Variants in PCDHA6 observed in about 807,000 individuals in gnomAD.
PCDHA6 encodes the protein protocadherin alpha 6, also known as protocadherin alpha-6.
Under a neutral mutation model 60.3 loss-of-function variants are expected in PCDHA6, and 55 were observed. The observed-to-expected ratio is 0.91, with a 90% CI of 0.73 to 1.14. The LOEUF (loss-of-function observed/expected upper bound fraction) is 1.14, where lower values mean the gene tolerates loss of function less well. PCDHA6 is among the 50% of genes most tolerant of loss of function. The pLI is 0.00. For synonymous variants in PCDHA6, 652 were observed against 557.9 expected, an observed-to-expected ratio of 1.17 and a Z score of -2.38; for missense variants, 1,327 against 1,256.5, an observed-to-expected ratio of 1.06 and a Z score of -0.85.
At position 141,009,757 on chromosome 5, in the gene PCDHA6, A is replaced by G; in HGVS notation, c.2673A>G (p.Pro891=). 6.2e-7 allele frequency: 1 copy of G among 1,614,200 alleles called. No individual in the cohort carries two copies. Among genetic ancestry groups the G allele is most frequent in the Non-Finnish European group, 8.5e-7 (1 of 1,180,036 alleles). Residue 891 remains proline (P), a synonymous_variant, in exon 4 of 4, where the codon CCA becomes CCG. Coordinates refer to ENST00000529310, the MANE Select transcript of PCDHA6 (RefSeq NM_018909.4). ...AGTTGCCCGACAAATTCATTATCCCAGGATCTCCTGCAATCATCTCCATCC... is the reference window on the plus strand; with the variant it reads ...AGTTGCCCGACAAATTCATTATCCCGGGATCTCCTGCAATCATCTCCATCC... ...PGELPDKFII[P]GSPAIISIRQ... is the part of the protein sequence containing the mutation.
intron 1 of PCDHA6, among the ~76,000 whole-genome samples, chr5:140,942,747 A>C (rs1291200302): frequency 6.6e-6 from 1 of 152,232 alleles, no homozygotes; most frequent in African/African-American, 2.4e-5. Flanking sequence ...AAAATCTTGT[A>C]TAAATGAGAT....
At chr5:140,985,086 T>C (rs564487119) in intron 3 of PCDHA6, among the ~76,000 whole-genome samples, 1 of 152,000 alleles carries the variant, frequency 6.6e-6, no homozygotes, top group Non-Finnish European at 1.5e-5. Context: ...TACAGGCGTG[T>C]GCCACCAAGC....
At chr5:140,966,914 G>C in intron 1 of PCDHA6, 2 of 1,602,270 alleles carry the variant, frequency 1.2e-6, no homozygotes, top group Non-Finnish European at 1.7e-6. Flanking sequence ...CTCTGTGCCA[G>C]AGGAGCAGGC....
At chr5:140,924,223 T>A (rs2081726593) in intron 1 of PCDHA6, among the ~76,000 whole-genome samples, 1 of 152,230 alleles carries the variant, frequency 6.6e-6, no homozygotes, top group South Asian at 2.1e-4. Context: ...ATAAGTTCAA[T>A]TTTTATGGGC....
intron 1 of PCDHA6, among the ~76,000 whole-genome samples, chr5:140,874,484 G>A (rs1438670057): frequency 6.6e-6 from 1 of 152,190 alleles, no homozygotes; most frequent in African/African-American, 2.4e-5. Context: ...AAAGCAAAAG[G>A]TTGATATCAA....
intron 1 of PCDHA6, chr5:140,928,252 G>C (rs1377533547): frequency 2.5e-6 from 4 of 1,614,208 alleles, no homozygotes; most frequent in Non-Finnish European, 3.4e-6. Flanking sequence ...GGAACTTTTC[G>C]TTGCTGAAAA....
chr5:140,898,464 T>C (rs2066757130), intron 1 of PCDHA6, among the ~76,000 whole-genome samples: 1 of 152,198 alleles, frequency 6.6e-6, no homozygotes, highest in Admixed American at 6.5e-5. Flanking sequence ...CCCCATTGCT[T>C]GTTTTTCTCA....
chr5:140,995,674 A>AT (rs1240189428), intron 3 of PCDHA6, among the ~76,000 whole-genome samples: 2 of 152,112 alleles, frequency 1.3e-5, no homozygotes, highest in South Asian at 2.1e-4. Context: ...TAAATGCAGC[A>AT]TTTTTTTTAA....
chr5:140,857,331 A>G lies in PCDHA6; in HGVS notation c.2394+26846A>G, dbSNP rs1554149861. 4 of 1,598,402 alleles carry G rather than the reference A, an allele frequency of 2.5e-6. No homozygotes were observed. Among genetic ancestry groups the G allele is most frequent in the African/African-American group, 1.3e-5 (1 of 74,458 alleles). On this transcript the variant is annotated intron_variant, in intron 1 of 3. Coordinates refer to ENST00000529310, the MANE Select transcript of PCDHA6 (RefSeq NM_018909.4). ...TATGAGCTGGTGGTGACCGCGCGGG[A>G]CGGGGGCTCGCCTCCGCTGTGGGCC...
At position 140,841,487 on chromosome 5, in the gene PCDHA6, C is replaced by G. The variant is rs2150316541; in HGVS notation, c.2394+11002C>G. The G allele has an allele frequency of 6.2e-7, 1 of 1,613,022 alleles. No homozygotes were observed. Among genetic ancestry groups the G allele is most frequent in the Non-Finnish European group, 8.5e-7 (1 of 1,179,924 alleles). On this transcript the variant is annotated intron_variant, in intron 1 of 3. Transcript: ENST00000529310. ...GATCGCGCAGGACCTGGGGCTGGAG[C>G]TGGCGGAGCTGGTGCCGCGCCTGTT...
intron 1 of PCDHA6, among the ~76,000 whole-genome samples, chr5:140,898,137 G>C (rs1554187832): frequency 6.6e-6 from 1 of 152,098 alleles, no homozygotes; most frequent in African/African-American, 2.4e-5. Flanking sequence ...CATTTTGTAG[G>C]TTGCCTGTTC....
At chr5:140,990,962 T>C (rs2097423975) in intron 3 of PCDHA6, among the ~76,000 whole-genome samples, 2 of 152,180 alleles carry the variant, frequency 1.3e-5, no homozygotes, top group Non-Finnish European at 2.9e-5. Context: ...AATAGTCTCT[T>C]AGAACAAGAG....
Position 140,842,608 on chromosome 5 carries a change from C to G in PCDHA6, c.2394+12123C>G. On this transcript the variant is annotated intron_variant, in intron 1 of 3. Transcript: ENST00000529310. ...ATGAGTTGGTGGTAACCGCGCGGGACGGGGGCTCGCCTTCGCTGTGGGCCA... is the reference window on the plus strand; with the variant it reads ...ATGAGTTGGTGGTAACCGCGCGGGAGGGGGGCTCGCCTTCGCTGTGGGCCA... The G allele has an allele frequency of 1.9e-6, 3 of 1,557,216 alleles. No homozygotes were observed. The East Asian group carries it at 6.8e-5, about 35-fold the overall frequency.
At chr5:140,857,791 G>T in intron 1 of PCDHA6, 1 of 1,597,714 alleles carries the variant, frequency 6.3e-7, no homozygotes, top group Non-Finnish European at 8.6e-7. Context: ...AGCTGGTGCT[G>T]CGGTCGGTGG....
At chr5:141,006,445 C>T (rs1202981865) in intron 3 of PCDHA6, among the ~76,000 whole-genome samples, 2 of 152,062 alleles carry the variant, frequency 1.3e-5, no homozygotes, top group Non-Finnish European at 2.9e-5. Context: ...AATCTCCTGA[C>T]CTCGAGATCT....
At chr5:140,863,093 C>T (rs1204907629) in intron 1 of PCDHA6, 2 of 576,488 alleles carry the variant, frequency 3.5e-6, no homozygotes, top group Middle Eastern at 2.9e-4. Flanking sequence ...ATCAGCACGA[C>T]GAGTACCCTG....
intron 1 of PCDHA6, chr5:140,870,676 G>T: frequency 6.2e-7 from 1 of 1,612,702 alleles, no homozygotes. Flanking sequence ...GTTGGACCAC[G>T]AGGAGCTGGA....
intron 1 of PCDHA6, chr5:140,928,070 A>G (rs1408962097): frequency 1.9e-6 from 3 of 1,614,058 alleles, no homozygotes; most frequent in East Asian, 4.5e-5. Flanking sequence ...TCCTTTGACA[A>G]CTACTACAGC....
Position 140,870,951 on chromosome 5 carries a change from C to T in PCDHA6, c.2394+40466C>T, listed in dbSNP as rs781985952. 6 of 1,613,558 alleles carry T rather than the reference C, an allele frequency of 3.7e-6. No individual in the cohort carries two copies. The Admixed American group carries it at 1.0e-4, about 27-fold the overall frequency. ...ATGAATTGCAGCCGGCGGCGGGCGGCTCGCGCATCCCGTTCCGCGTGGGGC... is the reference window on the plus strand; with the variant it reads ...ATGAATTGCAGCCGGCGGCGGGCGGTTCGCGCATCCCGTTCCGCGTGGGGC... On this transcript the variant is annotated intron_variant, in intron 1 of 3. Transcript: ENST00000529310.
Sources: allele counts gnomAD v4.1 joint callset (sites outside exome capture counted in the v4.1 genomes callset), GRCh38; gene constraint gnomAD v4.1.1; transcripts MANE v1.5; gene names NCBI Gene and HGNC (gene_info 2026-07-23, HGNC 2026-07-21).